The following RCC1L variants were observed in gnomAD, a reference collection of about 807,000 sequenced individuals.
RCC1L encodes RCC1-like G exchanging factor-like protein.
A neutral mutation model predicts 58.6 loss-of-function variants in RCC1L; 46 were observed. That is an observed-to-expected ratio of 0.79 (90% CI 0.62 to 1.00). The LOEUF is 1.00. RCC1L is among the 50% of genes least tolerant of loss of function. The probability of loss-of-function intolerance (pLI) is 0.00; values close to 1 mark genes in which losing one functional copy is unlikely to be tolerated. For synonymous variants in RCC1L, 281 were observed against 262.9 expected (o/e 1.07, Z -0.67); for missense variants, 636 against 623.6 (o/e 1.02, Z -0.21).
chr7:75,047,489 C>T (rs1805760899), intron 10 of RCC1L, among the ~76,000 whole-genome samples: 2 of 152,166 alleles, frequency 1.3e-5, no homozygotes, highest in African/African-American at 4.8e-5. Context: ...TCTTGAACTC[C>T]TGGCCTCAAG....
intron 10 of RCC1L, among the ~76,000 whole-genome samples, chr7:75,034,731 A>G (rs1220547632): frequency 6.6e-6 from 1 of 152,154 alleles, no homozygotes; most frequent in Non-Finnish European, 1.5e-5. Context: ...TGCTCACTGC[A>G]GCCTCGAACT....
downstream of RCC1L, among the ~76,000 whole-genome samples, chr7:75,041,855 C>T (rs1371720638): frequency 1.4e-5 from 2 of 140,028 alleles, no homozygotes; most frequent in Non-Finnish European, 3.0e-5. Context: ...CAAAGCAAGA[C>T]TCTGTCTCAA....
Position 75,058,778 on chromosome 7 carries a change from G to A in RCC1L, c.788-9C>T, listed in dbSNP as rs931533974. ...ATTGTAGTGACCCAGACCTAACACA[G>A]TGGAAAATACAGATTTTTAATTATT... On this transcript the variant is annotated splice_polypyrimidine_tract_variant and intron_variant, in intron 6 of 10. Coordinates refer to ENST00000610322, the MANE Select transcript of RCC1L (RefSeq NM_030798.5). 6.2e-7 allele frequency: 1 copy of A among 1,613,928 alleles called. No homozygotes were observed. The highest frequency in any genetic ancestry group is 8.5e-7 in the Non-Finnish European group (1 of 1,179,820).
At chr7:75,059,885 TGA>T (rs2131997956) in intron 6 of RCC1L, among the ~76,000 whole-genome samples, 1 of 152,188 alleles carries the variant, frequency 6.6e-6, no homozygotes, top group South Asian at 2.1e-4. Context: ...CTCAGCCTCC[TGA>T]GTAGCTGGGA....
intron 8 of RCC1L, 95 bp downstream of exon 8, chr7:75,057,434 C>G (rs1356046946): frequency 2.3e-6 from 3 of 1,325,518 alleles, no homozygotes; most frequent in Middle Eastern, 1.8e-4. Flanking sequence ...CCTCCTAAGG[C>G]TAAGGTCTAC....
intron 3 of RCC1L, among the ~76,000 whole-genome samples, chr7:75,065,731 C>T (rs1554445005): frequency 6.6e-6 from 1 of 152,082 alleles, no homozygotes; most frequent in African/African-American, 2.4e-5. Flanking sequence ...GAAAAAGCCA[C>T]TTCCGGCCGG....
At position 75,073,484 on chromosome 7, in the gene RCC1L, C is replaced by A; in HGVS notation, c.254G>T (p.Gly85Val). The A allele has an allele frequency of 7.2e-7, 1 of 1,386,978 alleles. No individual in the cohort carries two copies. The highest frequency in any genetic ancestry group is 1.6e-5 in the South Asian group (1 of 61,868). 85.9% of individuals were successfully genotyped at this position (1,386,978 alleles called of 1,614,324 possible). A position where few individuals can be genotyped will look rare whatever the true frequency, so the allele number is the denominator to read the frequency against. Reference sequence around the variant, plus strand: ...GCGCGGTCGGGCGCCGGCGCGGGGCCCGGGCCCGGAGCTGGGCACCACAAA... The same window carrying A: ...GCGCGGTCGGGCGCCGGCGCGGGGCACGGGCCCGGAGCTGGGCACCACAAA... The part of the protein sequence containing the change: ...PSFVVPSSGP[G>V]PRAGARPRRR... The change falls in exon 1 of 11, where the codon GGG becomes GTG. Residue 85 changes from glycine to valine, a missense_variant. Coordinates refer to ENST00000610322, the MANE Select transcript of RCC1L (RefSeq NM_030798.5).
chr7:75,043,768 T>C (rs1805635496), intron 10 of RCC1L, among the ~76,000 whole-genome samples: 2 of 152,206 alleles, frequency 1.3e-5, no homozygotes, highest in Non-Finnish European at 2.9e-5. Context: ...TGAGCCAAGA[T>C]TGCACCACTA....
chr7:75,064,762 C>A (rs964093073), intron 3 of RCC1L, 114 bp from the exon 4 acceptor site: 38 of 1,185,656 alleles, frequency 3.2e-5, no homozygotes, highest in Non-Finnish European at 4.2e-5. Context: ...CCCCACCCCC[C>A]AACTGCCCCT....
chr7:75,065,008 C>T (rs1806416252), intron 3 of RCC1L, among the ~76,000 whole-genome samples: 1 of 152,048 alleles, frequency 6.6e-6, no homozygotes, highest in South Asian at 2.1e-4. Flanking sequence ...CGCCTCTGCC[C>T]AGTCGTCAAC....
At chr7:75,066,016 T>TC (rs1806465566) in intron 3 of RCC1L, among the ~76,000 whole-genome samples, 2 of 33,012 alleles carry the variant, frequency 6.1e-5, no homozygotes, top group Non-Finnish European at 1.1e-4. Context: ...AGACTCTGTC[T>TC]CAAAAAAAAA....
chr7:75,069,346 C>A (rs1584505889), intron 2 of RCC1L, among the ~76,000 whole-genome samples: 1 of 152,202 alleles, frequency 6.6e-6, no homozygotes, highest in South Asian at 2.1e-4. Flanking sequence ...GTGCATGCCA[C>A]CATGCTCAGC....
chr7:75,071,909 G>A (rs960718568), intron 1 of RCC1L, among the ~76,000 whole-genome samples: 1 of 151,250 alleles, frequency 6.6e-6, no homozygotes, highest in African/African-American at 2.4e-5. Context: ...CAAGGTAAGA[G>A]CTATATTTTG....
At chr7:75,046,262 C>A (rs1805717031) in intron 10 of RCC1L, among the ~76,000 whole-genome samples, 1 of 152,346 alleles carries the variant, frequency 6.6e-6, no homozygotes, top group Admixed American at 6.5e-5. Flanking sequence ...CGCAAAGGCA[C>A]GTCGATGCAG....
At chr7:75,029,532 C>G (rs1408990089) in intron 10 of RCC1L, among the ~76,000 whole-genome samples, 1 of 151,970 alleles carries the variant, frequency 6.6e-6, no homozygotes, top group Non-Finnish European at 1.5e-5. Context: ...TTAGTAGAGA[C>G]AGGGTTTCAC....
chr7:75,041,402 G>A (rs1484677694), downstream of RCC1L, among the ~76,000 whole-genome samples: 1 of 152,130 alleles, frequency 6.6e-6, no homozygotes, highest in Non-Finnish European at 1.5e-5. Context: ...GCCCCAGCAT[G>A]AGGACAGTAC....
chr7:75,043,410 C>T (rs1805625038), intron 10 of RCC1L, among the ~76,000 whole-genome samples: 1 of 152,226 alleles, frequency 6.6e-6, no homozygotes, highest in Admixed American at 6.5e-5. Context: ...TCACATCAGC[C>T]TGAGAGGGCA....
chr7:75,045,952 C>T (rs1303309187), intron 10 of RCC1L, among the ~76,000 whole-genome samples: 1 of 152,252 alleles, frequency 6.6e-6, no homozygotes, highest in Non-Finnish European at 1.5e-5. Context: ...CAGCATGCAG[C>T]CAGGTGGTGT....
At chr7:75,069,144 G>C (rs1469092997) in intron 2 of RCC1L, among the ~76,000 whole-genome samples, 1 of 151,936 alleles carries the variant, frequency 6.6e-6, no homozygotes, top group Non-Finnish European at 1.5e-5. Context: ...TGGGATTACA[G>C]GCGTGAGCCA....
Sources: allele counts gnomAD v4.1 joint callset (sites outside exome capture counted in the v4.1 genomes callset), GRCh38; gene constraint gnomAD v4.1.1; transcripts MANE v1.5; gene names NCBI Gene and HGNC (gene_info 2026-07-23, HGNC 2026-07-21).